The following EYS variants were observed in gnomAD, a reference collection of about 807,000 sequenced individuals.
EYS encodes the protein EGF-like photoreceptor maintenance factor.
EYS carries 250 observed loss-of-function variants against 282.1 expected under a neutral mutation model. The observed-to-expected ratio is 0.89, with a 90% CI of 0.80 to 0.98. EYS has a LOEUF of 0.98. EYS is among the 50% of genes least tolerant of loss of function. EYS has a pLI of 0.00. For synonymous variants in EYS, 1,355 were observed against 1,282.9 expected, an observed-to-expected ratio of 1.06 and a Z score of -1.20; for missense variants, 4,016 against 3,709.0, an observed-to-expected ratio of 1.08 and a Z score of -2.15.
chr6:65,299,717 T>C (rs1280500732), intron 11 of EYS, among the ~76,000 whole-genome samples: 2 of 152,130 alleles, frequency 1.3e-5, no homozygotes, highest in African/African-American at 2.4e-5. Flanking sequence ...CTGCCACCTA[T>C]ATAAGATGTT....
At position 63,999,081 on chromosome 6, in the gene EYS, G is replaced by A. The variant is rs373606872; in HGVS notation, c.6828C>T (p.Ala2276=). 120 of 1,544,884 alleles carry A rather than the reference G, an allele frequency of 7.8e-5. 1 individual carries two copies. In the African/African-American group the frequency reaches 1.6e-3, roughly 20 times the overall value. Residue 2276 remains alanine, a synonymous_variant, in exon 34 of 43, where the codon GCC becomes GCT. Coordinates refer to ENST00000503581, the MANE Select transcript of EYS (RefSeq NM_001142800.2). ...TGGATATTTGCATACCTACCTGAGA[G>A]GCATGGGAAATCTCTGTGTCTTTCT... ...VQKKDTEISH[A]SQAYFESMFL... is the part of the protein sequence containing the mutation.
At chr6:63,792,760 G>T (rs1311267580) in intron 37 of EYS, among the ~76,000 whole-genome samples, 1 of 151,994 alleles carries the variant, frequency 6.6e-6, no homozygotes, top group Non-Finnish European at 1.5e-5. Flanking sequence ...GAGGGCCAAG[G>T]CATGAAACTT....
At chr6:65,649,151 A>T (rs1040042934) in intron 1 of EYS, among the ~76,000 whole-genome samples, 1 of 150,998 alleles carries the variant, frequency 6.6e-6, no homozygotes, top group African/African-American at 2.4e-5. Context: ...AAAAAAAAAA[A>T]AAAAAAAGGA....
intron 26 of EYS, among the ~76,000 whole-genome samples, chr6:64,496,577 T>C (rs72872779): frequency 0.012 from 1,785 of 152,150 alleles, 19 homozygotes; most frequent in Non-Finnish European, 0.018. Context: ...TCTTCTTAAG[T>C]AGAGTTCAGT....
chr6:64,668,642 G>A (rs773729656), intron 22 of EYS, among the ~76,000 whole-genome samples: 3 of 136,540 alleles, frequency 2.2e-5, no homozygotes, highest in Non-Finnish European at 3.1e-5. Flanking sequence ...TCGGCTCACC[G>A]CAAGCTCGGC....
intron 12 of EYS, among the ~76,000 whole-genome samples, chr6:65,204,056 A>T (rs553446424): frequency 6.6e-6 from 1 of 152,228 alleles, no homozygotes; most frequent in African/African-American, 2.4e-5. Context: ...GCTTTGAAAA[A>T]TATGGGTTAT....
At chr6:64,405,291 A>G (rs557951899) in intron 28 of EYS, among the ~76,000 whole-genome samples, 7 of 152,156 alleles carry the variant, frequency 4.6e-5, no homozygotes, top group Non-Finnish European at 1.0e-4. Flanking sequence ...TTAGGTGTTC[A>G]GTGGATGTTA....
chr6:64,284,910 C>T (rs561267081), intron 30 of EYS, among the ~76,000 whole-genome samples: 60 of 152,234 alleles, frequency 3.9e-4, no homozygotes, highest in African/African-American at 1.4e-3. Flanking sequence ...GGGACCTGCC[C>T]ACAAAACCAT....
At chr6:64,288,642 AT>A (rs1768585833) in intron 30 of EYS, among the ~76,000 whole-genome samples, 1 of 152,012 alleles carries the variant, frequency 6.6e-6, no homozygotes, top group South Asian at 2.1e-4. Context: ...TCTCTACTTT[AT>A]TTTCCTTTTC....
chr6:64,753,520 A>G (rs567310697), intron 22 of EYS, among the ~76,000 whole-genome samples: 6 of 152,038 alleles, frequency 3.9e-5, no homozygotes, highest in African/African-American at 1.2e-4. Context: ...AAAAAAGACA[A>G]AAGAGGTCAT....
At chr6:64,244,292 A>C (rs1766934257) in intron 30 of EYS, among the ~76,000 whole-genome samples, 2 of 152,262 alleles carry the variant, frequency 1.3e-5, no homozygotes, top group Non-Finnish European at 2.9e-5. Flanking sequence ...CTTTTCAAAT[A>C]AGATTTGTTG....
intron 41 of EYS, among the ~76,000 whole-genome samples, chr6:63,742,463 T>G: frequency 6.6e-6 from 1 of 152,282 alleles, no homozygotes; most frequent in South Asian, 2.1e-4. Context: ...CAATGTCAGC[T>G]CAGCAGAAAT....
At chr6:64,559,276 T>C (rs892591895) in intron 26 of EYS, among the ~76,000 whole-genome samples, 39 of 147,270 alleles carry the variant, frequency 2.6e-4, no homozygotes, top group Non-Finnish European at 4.9e-4. Context: ...TGTGCATGTG[T>C]GTGTGTGTGT....
chr6:64,060,035 A>T lies in EYS; in HGVS notation c.6725+6303T>A, dbSNP rs77967012. On this transcript the variant is annotated intron_variant, in intron 33 of 42. Transcript: ENST00000503581. The stretch of plus-strand genomic sequence containing the variant: ...ATGAAAATCTTGCCAAACTTTCCAT[A>T]TTGACATGGCAACATTTTATGAATA... Among the ~76,000 whole-genome samples, 923 of 152,230 alleles carry T rather than the reference A, an allele frequency of 6.1e-3. 17 individuals are homozygous for T. The highest frequency in any genetic ancestry group is 0.046 in the East Asian group (239 of 5,180).
At chr6:64,393,533 C>T (rs1311342107) in intron 28 of EYS, among the ~76,000 whole-genome samples, 2 of 152,070 alleles carry the variant, frequency 1.3e-5, no homozygotes, top group Non-Finnish European at 2.9e-5. Flanking sequence ...ACAAAAACCA[C>T]ATGATTATCT....
Position 64,591,889 on chromosome 6 carries a change from T to A in EYS, c.3978A>T (p.Glu1326Asp). The A allele has an allele frequency of 6.4e-7, 1 of 1,550,930 alleles. No individual in the cohort carries two copies. The highest frequency in any genetic ancestry group is 8.7e-7 in the Non-Finnish European group (1 of 1,146,466). Residue 1326 changes from glutamate to aspartate, a missense_variant, in exon 26 of 43, where the codon GAA becomes GAT. Physicochemically the swap from Glu to Asp is conservative, Grantham distance 45 (BLOSUM62 2). Transcript: ENST00000503581. Reference sequence around the variant, plus strand: ...CTGAAAGCTCTCTAGTGACAATCAGTTCTTGGAGTAAGTAGCTTTCCAAGG... The same window carrying A: ...CTGAAAGCTCTCTAGTGACAATCAGATCTTGGAGTAAGTAGCTTTCCAAGG... ...STPLESYLLQ[E>D]LIVTRELSAK...
At chr6:64,682,734 C>G (rs1330434751) in intron 22 of EYS, among the ~76,000 whole-genome samples, 1 of 152,174 alleles carries the variant, frequency 6.6e-6, no homozygotes, top group East Asian at 1.9e-4. Context: ...GAACATCGCA[C>G]TTGGCCTTCA....
At chr6:64,435,591 G>A (rs1255706019) in intron 28 of EYS, among the ~76,000 whole-genome samples, 1 of 151,078 alleles carries the variant, frequency 6.6e-6, no homozygotes, top group African/African-American at 2.4e-5. Context: ...GTGGAGGGAG[G>A]TAAGGCACAT....
intron 33 of EYS, among the ~76,000 whole-genome samples, chr6:64,064,282 A>G (rs1461792725): frequency 1.3e-5 from 2 of 152,166 alleles, no homozygotes; most frequent in African/African-American, 4.8e-5. Context: ...GTATAGTGCT[A>G]CAAGTAGAGT....
Sources: gnomAD v4.1 joint callset for allele counts (sites outside exome capture counted in the v4.1 genomes callset) on GRCh38, gnomAD v4.1.1 for gene constraint, MANE v1.5 for transcripts, NCBI Gene and HGNC (gene_info 2026-07-23, HGNC 2026-07-21) for gene names.